Variants in GARIN2 observed in about 807,000 individuals in gnomAD.
GARIN2 encodes golgi associated RAB2 interactor family member 2.
At chr14:67,215,568 G>T in the GARIN2 span, among the ~76,000 whole-genome samples, 1 of 152,068 alleles carries the variant, frequency 6.6e-6, no homozygotes, top group Non-Finnish European at 1.5e-5. Flanking sequence ...GAGAAAAACA[G>T]AAACCAATAG....
chr14:67,213,903 C>A, the GARIN2 span, among the ~76,000 whole-genome samples: 1 of 152,174 alleles, frequency 6.6e-6, no homozygotes, highest in African/African-American at 2.4e-5. Flanking sequence ...ATTTGCATTT[C>A]TCTGATGGCC....
At chr14:67,193,951 A>AAACAAAAAAACAAC in the GARIN2 span, among the ~76,000 whole-genome samples, 1 of 139,714 alleles carries the variant, frequency 7.2e-6, no homozygotes, top group African/African-American at 2.9e-5. Context: ...TCTCAAAAAA[A>AAACAAAAAAACAAC]AACAAAAAAA....
the GARIN2 span, chr14:67,200,199 G>A: frequency 1.9e-3 from 2,190 of 1,128,072 alleles, 38 homozygotes; most frequent in African/African-American, 0.03. Flanking sequence ...CTCCACTGAT[G>A]CCCCCCATGG....
chr14:67,221,892 A>G, the GARIN2 span: 8 of 1,543,676 alleles, frequency 5.2e-6, no homozygotes, highest in Admixed American at 3.8e-5. Flanking sequence ...TAGTGTGGCT[A>G]AGAGCAAAGG....
chr14:67,204,649 T>C, the GARIN2 span: 2 of 1,613,898 alleles, frequency 1.2e-6, no homozygotes, highest in East Asian at 2.2e-5. Flanking sequence ...CACCTCTGCA[T>C]ATAAACAGGA....
At chr14:67,192,435 G>T in the GARIN2 span, among the ~76,000 whole-genome samples, 1 of 151,890 alleles carries the variant, frequency 6.6e-6, no homozygotes, top group East Asian at 1.9e-4. Context: ...AGTCACCAAA[G>T]TTAATTATGA....
chr14:67,192,047 A>G, the GARIN2 span, among the ~76,000 whole-genome samples: 4,951 of 152,338 alleles, frequency 0.033, 260 homozygotes, highest in African/African-American at 0.11. Context: ...AGCTAGTGCT[A>G]GAACGAGCTC....
chr14:67,203,096 C>A, the GARIN2 span: 10 of 1,611,882 alleles, frequency 6.2e-6, no homozygotes, highest in African/African-American at 1.3e-5. Context: ...GCACTCAGGT[C>A]AACAGAAGAG....
chr14:67,211,188 A>G, the GARIN2 span, among the ~76,000 whole-genome samples: 1 of 152,184 alleles, frequency 6.6e-6, no homozygotes, highest in East Asian at 1.9e-4. Flanking sequence ...AGCTGATATT[A>G]AAACCCTCAC....
the GARIN2 span, among the ~76,000 whole-genome samples, chr14:67,200,868 AGTCTATAG>A: frequency 1.3e-5 from 2 of 152,380 alleles, no homozygotes; most frequent in South Asian, 2.1e-4. Flanking sequence ...GGTAGTTAGC[AGTCTATAG>A]GTCAGACGTT....
the GARIN2 span, among the ~76,000 whole-genome samples, chr14:67,200,734 C>T: frequency 6.6e-6 from 1 of 152,140 alleles, no homozygotes; most frequent in African/African-American, 2.4e-5. Context: ...TGTACTTTAC[C>T]TTATACATAC....
the GARIN2 span, among the ~76,000 whole-genome samples, chr14:67,226,914 G>A: frequency 6.6e-5 from 10 of 152,058 alleles, no homozygotes; most frequent in Non-Finnish European, 1.3e-4. Context: ...ACACGTGCTG[G>A]CTCCTACATC....
At chr14:67,193,954 C>CAAAAAAAAAAAAAA in the GARIN2 span, among the ~76,000 whole-genome samples, 40 of 85,736 alleles carry the variant, frequency 4.7e-4, no homozygotes, top group African/African-American at 9.6e-4. Context: ...CAAAAAAAAA[C>CAAAAAAAAAAAAAA]AAAAAAAAAA....
the GARIN2 span, among the ~76,000 whole-genome samples, chr14:67,213,281 A>T: frequency 4.7e-4 from 68 of 145,190 alleles, no homozygotes; most frequent in Middle Eastern, 3.4e-3. Flanking sequence ...GTCATTTAGC[A>T]TTAGGTATAT....
the GARIN2 span, among the ~76,000 whole-genome samples, chr14:67,212,796 G>A: frequency 1.3e-5 from 2 of 151,614 alleles, no homozygotes; most frequent in African/African-American, 4.8e-5. Context: ...AGGAAAATGG[G>A]TGATCCTTAG....
At chr14:67,212,110 T>C in the GARIN2 span, among the ~76,000 whole-genome samples, 1 of 152,134 alleles carries the variant, frequency 6.6e-6, no homozygotes, top group Non-Finnish European at 1.5e-5. Flanking sequence ...AGGGAATTCC[T>C]TGAAAGAGTA....
At chr14:67,227,138 T>C in the GARIN2 span, among the ~76,000 whole-genome samples, 1 of 152,190 alleles carries the variant, frequency 6.6e-6, no homozygotes, top group Middle Eastern at 3.2e-3. Context: ...TTTTGACTTA[T>C]TAAATTGAAA....
At chr14:67,200,245 A>G in the GARIN2 span, 1 of 916,322 alleles carries the variant, frequency 1.1e-6, no homozygotes, top group South Asian at 1.8e-5. Flanking sequence ...CCCTATGGCT[A>G]CCAGCCTCTC....
the GARIN2 span, chr14:67,222,019 CATT>C: frequency 1.8e-6 from 1 of 559,626 alleles, no homozygotes; most frequent in Admixed American, 3.6e-5. Context: ...AAGTGGAAAA[CATT>C]ATGGTACTTT....
Sources: allele counts gnomAD v4.1 joint callset (sites outside exome capture counted in the v4.1 genomes callset), GRCh38; gene constraint gnomAD v4.1.1; transcripts MANE v1.5; gene names NCBI Gene and HGNC (gene_info 2026-07-23, HGNC 2026-07-21).